FANCA: variants seen among roughly 807,000 people sequenced by gnomAD.
The protein encoded by FANCA is Fanconi anemia group A protein.
In FANCA, 236 loss-of-function variants were observed where a neutral mutation model predicts 194.3. The observed-to-expected ratio is 1.21, with a 90% CI of 1.09 to 1.35. The LOEUF is 1.35. Among genes scored for constraint, FANCA ranks in the 40% most tolerant of loss-of-function variants. The probability of loss-of-function intolerance (pLI) is 0.00; values close to 1 mark genes in which losing one functional copy is unlikely to be tolerated. For synonymous variants in FANCA, 1,014 were observed against 715.8 expected, an observed-to-expected ratio of 1.42 and a Z score of -6.65; for missense variants, 2,628 against 1,813.9, an observed-to-expected ratio of 1.45 and a Z score of -8.15.
intron 29 of FANCA, among the ~76,000 whole-genome samples, chr16:89,759,117 G>A (rs901414932): frequency 6.6e-6 from 1 of 151,492 alleles, no homozygotes; most frequent in Non-Finnish European, 1.5e-5. Context: ...TTAGGAGATC[G>A]AGACCATCCT....
chr16:89,815,891 C>T lies in FANCA; in HGVS notation c.175G>A (p.Ala59Thr). The change falls in exon 2 of 43, where the codon GCC (alanine) becomes ACC (threonine). Residue 59 changes from alanine to threonine, a missense_variant. Physicochemically the swap from Ala to Thr is moderately conservative, Grantham distance 58. Transcript: ENST00000389301. Reference protein sequence around the residue: ...RLLRSHQDLNALLLEVEGPLC... With the variant: ...RLLRSHQDLNTLLLEVEGPLC... ...CTTCCTCTTACCTCAAGCAAAAGGG[C>T]ATTCAGGTCCTGATGGCTTCGCAGG... 1 of 1,613,266 alleles carries T rather than the reference C, an allele frequency of 6.2e-7. No homozygotes were observed. The highest frequency in any genetic ancestry group is 1.1e-5 in the South Asian group (1 of 91,076).
At chr16:89,791,735 G>T in intron 13 of FANCA, 192 bp downstream of exon 13, 1 of 951,180 alleles carries the variant, frequency 1.1e-6, no homozygotes. Flanking sequence ...GGACACTCTG[G>T]CCTCTCAGAG....
chr16:89,767,653 A>G (rs1320254642), intron 26 of FANCA, among the ~76,000 whole-genome samples: 1 of 152,110 alleles, frequency 6.6e-6, no homozygotes, highest in Non-Finnish European at 1.5e-5. Flanking sequence ...GGTTCAAGCA[A>G]TTCTCCTGCC....
At chr16:89,791,677 T>A in intron 13 of FANCA, 141 bp from the exon 14 acceptor site, 1 of 1,241,894 alleles carries the variant, frequency 8.1e-7, no homozygotes, top group Non-Finnish European at 1.1e-6. Context: ...ACACAGCAAT[T>A]ACAGCATGTC....
intron 27 of FANCA, among the ~76,000 whole-genome samples, chr16:89,766,125 TAGCTGGG>T (rs2039119467): frequency 6.6e-6 from 1 of 151,744 alleles, no homozygotes; most frequent in South Asian, 2.1e-4. Context: ...GCCTCCCAAG[TAGCTGGG>T]ATTACAGGCG....
chr16:89,757,261 C>A (rs987083636), intron 30 of FANCA, among the ~76,000 whole-genome samples: 11 of 152,068 alleles, frequency 7.2e-5, no homozygotes, highest in African/African-American at 2.4e-4. Context: ...CGCCCAGCCT[C>A]AAGGTTGTTT....
rs1598077286 is a variant in FANCA, at chr16:89,749,973, G to A, written c.3067-71C>T. 1.4e-5 allele frequency: 22 copies of A among 1,523,536 alleles called. No homozygotes were observed. In the South Asian group the frequency reaches 1.9e-4, roughly 13 times the overall value. The allele number at this position is 1,523,536 out of a possible 1,614,324, so 94.4% of individuals were successfully genotyped here. On this transcript the variant is annotated intron_variant, in intron 31 of 42. Coordinates refer to ENST00000389301, the MANE Select transcript of FANCA (RefSeq NM_000135.4). ...TGCCCAGCCAGTCGGGGACCCAGACGTCAGGGGTCAGGGAGAGGTCTCCAC... is the reference window on the plus strand; with the variant it reads ...TGCCCAGCCAGTCGGGGACCCAGACATCAGGGGTCAGGGAGAGGTCTCCAC...
At chr16:89,768,619 G>A (rs1256411223) in intron 26 of FANCA, among the ~76,000 whole-genome samples, 4 of 151,916 alleles carry the variant, frequency 2.6e-5, no homozygotes, top group African/African-American at 9.7e-5. Flanking sequence ...TCACGCTACT[G>A]CACTCCAGCC....
chr16:89,793,037 G>C (rs1003580639), intron 11 of FANCA, among the ~76,000 whole-genome samples: 1 of 152,226 alleles, frequency 6.6e-6, no homozygotes, highest in African/African-American at 2.4e-5. Flanking sequence ...TGGACTAGGA[G>C]CGTGACCACT....
intron 37 of FANCA, among the ~76,000 whole-genome samples, chr16:89,741,477 C>T (rs1383233264): frequency 2.6e-5 from 4 of 152,202 alleles, no homozygotes; most frequent in Admixed American, 1.3e-4. Context: ...TTGCGGATCT[C>T]GGGCTGGGCA....
At chr16:89,780,658 G>A (rs2039669217) in intron 17 of FANCA, among the ~76,000 whole-genome samples, 1 of 151,190 alleles carries the variant, frequency 6.6e-6, no homozygotes, top group Admixed American at 6.6e-5. Flanking sequence ...GCCAGGCGCG[G>A]CAGCTCACAT....
At position 89,808,386 on chromosome 16, in the gene FANCA, CAAACAA is replaced by C. The variant is rs530849202; in HGVS notation, c.523-25_523-20del. The C allele has an allele frequency of 8.1e-5, 131 of 1,613,298 alleles. 1 individual carries two copies. Among genetic ancestry groups the C allele is most frequent in the Non-Finnish European group, 9.2e-5 (108 of 1,179,518 alleles). Reference sequence around the variant, plus strand: ...AAGAACTCTGAAAAACAAAACAAAACAAACAAAAACAAAAACAAAAAAACCCCCAGC... The same window carrying C: ...AAGAACTCTGAAAAACAAAACAAAACAAACAAAAACAAAAAAACCCCCAGC... On this transcript the variant is annotated intron_variant, in intron 5 of 42. Coordinates refer to ENST00000389301, the MANE Select transcript of FANCA (RefSeq NM_000135.4).
chr16:89,809,396 G>T (rs910832004), intron 5 of FANCA, among the ~76,000 whole-genome samples: 2 of 152,000 alleles, frequency 1.3e-5, no homozygotes, highest in Non-Finnish European at 2.9e-5. Flanking sequence ...AAAATCTAAT[G>T]AATTCTATAA....
In FANCA at chr16:89,746,611, T is replaced by C. The variant is rs746491969; in HGVS notation, c.3486A>G (p.Lys1162=). Reference sequence around the variant, plus strand: ...GAGCAGAGGTCAAAATTAAGGGGCATTTCGTCTGGCACTTGGCCAGTATGA... The same window carrying C: ...GAGCAGAGGTCAAAATTAAGGGGCACTTCGTCTGGCACTTGGCCAGTATGA... The part of the protein sequence containing the change: ...VDFILAKCQT[K]CPLILTSALV... Residue 1162 remains lysine, a synonymous_variant, in exon 35 of 43, where the codon AAA becomes AAG. Coordinates refer to ENST00000389301, the MANE Select transcript of FANCA (RefSeq NM_000135.4). 1 of 1,614,080 alleles carries C rather than the reference T, an allele frequency of 6.2e-7. No individual in the cohort carries two copies. The highest frequency in any genetic ancestry group is 1.3e-5 in the African/African-American group (1 of 75,018).
At chr16:89,749,630 G>C (rs1016104366) in intron 32 of FANCA, 100 bp downstream of exon 32, 4 of 1,433,610 alleles carry the variant, frequency 2.8e-6, no homozygotes, top group African/African-American at 2.8e-5. Context: ...AGACAAGTAA[G>C]TAACGGGAAA....
rs1408870055 is a variant in FANCA at position 89,783,029 on chromosome 16, T to C, written c.1544A>G (p.Lys515Arg). The C allele has an allele frequency of 6.2e-7, 1 of 1,614,094 alleles. No homozygotes were observed. Among genetic ancestry groups the C allele is most frequent in the Admixed American group, 1.7e-5 (1 of 60,002 alleles). The change falls in exon 16 of 43, where the codon AAG (lysine) becomes AGG (arginine). Residue 515 changes from lysine to arginine, a missense_variant. Physicochemically the swap from Lys to Arg is conservative, Grantham distance 26. Coordinates refer to ENST00000389301, the MANE Select transcript of FANCA (RefSeq NM_000135.4). ...TGCCTTGAGGTCGGCCAGCCGTGTCTTGGCCAATGAGATGTAGTCTGTGAG... is the reference window on the plus strand; with the variant it reads ...TGCCTTGAGGTCGGCCAGCCGTGTCCTGGCCAATGAGATGTAGTCTGTGAG... ...SLLTDYISLA[K>R]TRLADLKVSI...
chr16:89,769,310 C>T (rs1377128305), intron 26 of FANCA, among the ~76,000 whole-genome samples: 1 of 152,236 alleles, frequency 6.6e-6, no homozygotes, highest in African/African-American at 2.4e-5. Context: ...TGAAGGGATT[C>T]TGTCCTGGCT....
chr16:89,811,815 CCG>C (rs1341549143), intron 3 of FANCA, among the ~76,000 whole-genome samples: 3 of 152,146 alleles, frequency 2.0e-5, no homozygotes, highest in East Asian at 3.9e-4. Context: ...ACTGCAACCT[CCG>C]CCTCTCAGGT....
intron 14 of FANCA, among the ~76,000 whole-genome samples, chr16:89,788,258 C>T (rs534867285): frequency 3.9e-5 from 6 of 151,994 alleles, no homozygotes; most frequent in Non-Finnish European, 7.4e-5. Flanking sequence ...CTCAAGAGAT[C>T]GAGACCATCC....
Sources: gnomAD v4.1 joint callset for allele counts (sites outside exome capture counted in the v4.1 genomes callset) on GRCh38, gnomAD v4.1.1 for gene constraint, MANE v1.5 for transcripts, NCBI Gene and HGNC (gene_info 2026-07-23, HGNC 2026-07-21) for gene names.